Variants in DPP6 observed in about 807,000 individuals in gnomAD.
DPP6 encodes dipeptidyl peptidase like 6.
Under a neutral mutation model 122.6 loss-of-function variants are expected in DPP6, and 69 were observed. That is an observed-to-expected ratio of 0.56 (90% CI 0.46 to 0.69). The LOEUF (loss-of-function observed/expected upper bound fraction) is 0.69. DPP6 is among the 30% of genes least tolerant of loss of function. The pLI is 0.00. For synonymous variants in DPP6, 418 were observed against 433.1 expected, an observed-to-expected ratio of 0.97 and a Z score of 0.43; for missense variants, 928 against 1,116.9, an observed-to-expected ratio of 0.83 and a Z score of 2.41.
At chr7:153,996,154 A>G (rs1797422669) in intron 1 of DPP6, among the ~76,000 whole-genome samples, 1 of 152,180 alleles carries the variant, frequency 6.6e-6, no homozygotes, top group Admixed American at 6.5e-5. Context: ...TGATGTTTCA[A>G]GAGACACTCC....
intron 1 of DPP6, among the ~76,000 whole-genome samples, chr7:154,023,318 G>GCACGCGCACACACACACACACACACACA (rs373378162): frequency 1.5e-5 from 2 of 129,528 alleles, no homozygotes; most frequent in African/African-American, 6.4e-5. Flanking sequence ...TTTCTTGTCT[G>GCACGCGCACACACACACACACACACACA]CACACACACA....
intron 1 of DPP6, among the ~76,000 whole-genome samples, chr7:153,990,839 G>A (rs1797141321): frequency 6.6e-6 from 1 of 152,246 alleles, no homozygotes; most frequent in African/African-American, 2.4e-5. Flanking sequence ...CAAGTTTATT[G>A]AGCTTTAGGA....
At chr7:154,702,542 G>A (rs986513371) in intron 7 of DPP6, among the ~76,000 whole-genome samples, 1 of 152,210 alleles carries the variant, frequency 6.6e-6, no homozygotes, top group African/African-American at 2.4e-5. Flanking sequence ...AAGGTTTCAT[G>A]CTCTGGATAA....
At chr7:154,731,037 G>C (rs1397626688) in intron 8 of DPP6, among the ~76,000 whole-genome samples, 1 of 152,208 alleles carries the variant, frequency 6.6e-6, no homozygotes, top group Non-Finnish European at 1.5e-5. Flanking sequence ...TTCCCTGGAA[G>C]GTTTATATGC....
chr7:153,920,723 G>A (rs13227158), intron 1 of DPP6, among the ~76,000 whole-genome samples: 45,163 of 151,330 alleles, frequency 0.3, 7,731 homozygotes, highest in East Asian at 0.6. Context: ...ACCATGCCTG[G>A]CTAATTTTTG....
chr7:153,975,553 A>AGC, intron 1 of DPP6, among the ~76,000 whole-genome samples: 1 of 150,030 alleles, frequency 6.7e-6, no homozygotes, highest in Admixed American at 6.6e-5. Flanking sequence ...TTTCTAAAAA[A>AGC]AAAAAAGAAA....
chr7:153,964,973 C>CT (rs1231985258), intron 1 of DPP6, among the ~76,000 whole-genome samples: 7 of 81,350 alleles, frequency 8.6e-5, no homozygotes, highest in African/African-American at 4.4e-4. Flanking sequence ...TCTTTCATTT[C>CT]TTTTCCCTTC....
intron 1 of DPP6, among the ~76,000 whole-genome samples, chr7:153,932,662 C>T (rs765919653): frequency 1.3e-5 from 2 of 152,132 alleles, no homozygotes; most frequent in African/African-American, 2.4e-5. Flanking sequence ...GGATAAACTT[C>T]CTCCAGACCT....
intron 1 of DPP6, among the ~76,000 whole-genome samples, chr7:154,111,798 T>G (rs1018376307): frequency 6.6e-6 from 1 of 152,210 alleles, no homozygotes; most frequent in African/African-American, 2.4e-5. Context: ...TGGGAGGATA[T>G]GACTAACTCT....
At chr7:154,014,468 A>G (rs1798303930) in intron 1 of DPP6, among the ~76,000 whole-genome samples, 1 of 150,960 alleles carries the variant, frequency 6.6e-6, no homozygotes, top group Non-Finnish European at 1.5e-5. Flanking sequence ...CAACCTGCCC[A>G]ACATGGTGAA....
intron 1 of DPP6, among the ~76,000 whole-genome samples, chr7:154,322,137 A>G (rs2151020102): frequency 1.3e-5 from 2 of 150,956 alleles, no homozygotes; most frequent in South Asian, 4.2e-4. Context: ...GGCCCACGGA[A>G]GGACTCTGCC....
At chr7:154,532,739 A>T (rs960578640) in intron 3 of DPP6, among the ~76,000 whole-genome samples, 36 of 152,014 alleles carry the variant, frequency 2.4e-4, no homozygotes, top group African/African-American at 7.5e-4. Context: ...CATATTTTTT[A>T]AATTAATATT....
At chr7:154,150,574 A>G (rs1796360390) in intron 1 of DPP6, among the ~76,000 whole-genome samples, 1 of 152,232 alleles carries the variant, frequency 6.6e-6, no homozygotes, top group Non-Finnish European at 1.5e-5. Context: ...CATATTTGCC[A>G]AGTCTCCAAA....
intron 16 of DPP6, among the ~76,000 whole-genome samples, chr7:154,849,573 A>G (rs1802213294): frequency 6.6e-6 from 1 of 152,130 alleles, no homozygotes; most frequent in Non-Finnish European, 1.5e-5. Flanking sequence ...CTTTGGTGCA[A>G]TCTTTATGGT....
chr7:154,221,156 T>C (rs1349868615), intron 1 of DPP6, among the ~76,000 whole-genome samples: 1 of 152,092 alleles, frequency 6.6e-6, no homozygotes, highest in African/African-American at 2.4e-5. Flanking sequence ...TTGTTATTGT[T>C]TTAAGACAGA....
chr7:153,784,644 C>T, the DPP6 span, among the ~76,000 whole-genome samples: 66 of 152,192 alleles, frequency 4.3e-4, 2 homozygotes, highest in Admixed American at 3.7e-3. Context: ...TCATAAAAAT[C>T]GCCATCTGTA....
intron 5 of DPP6, among the ~76,000 whole-genome samples, chr7:154,584,124 G>A (rs1832272429): frequency 6.6e-6 from 1 of 152,180 alleles, no homozygotes; most frequent in Non-Finnish European, 1.5e-5. Flanking sequence ...AATCTGTGCT[G>A]GCCACGCTGC....
At chr7:154,235,535 G>T (rs140872959) in intron 1 of DPP6, among the ~76,000 whole-genome samples, 49 of 143,264 alleles carry the variant, frequency 3.4e-4, no homozygotes, top group Non-Finnish European at 5.0e-4. Context: ...AATTAAAAGC[G>T]TGAGCTTTGA....
At chr7:154,873,826 A>ACC (rs75704342) in intron 19 of DPP6, among the ~76,000 whole-genome samples, 7 of 136,132 alleles carry the variant, frequency 5.1e-5, no homozygotes, top group East Asian at 2.0e-4. Flanking sequence ...GCACACACGC[A>ACC]TACATAAACA....
Sources: allele counts gnomAD v4.1 joint callset (sites outside exome capture counted in the v4.1 genomes callset), GRCh38; gene constraint gnomAD v4.1.1; transcripts MANE v1.5; gene names NCBI Gene and HGNC (gene_info 2026-07-23, HGNC 2026-07-21).